Variants in RBBP4 observed in about 807,000 individuals in gnomAD.
The protein encoded by RBBP4 is RB binding protein 4, chromatin remodeling factor, also known as histone-binding protein RBBP4.
RBBP4 carries 3 observed loss-of-function variants against 57.2 expected under a neutral mutation model. The ratio of observed to expected loss-of-function variants is 0.05; its 90% CI spans 0.02 to 0.14. RBBP4 has a LOEUF of 0.14. RBBP4 is among the 10% of genes least tolerant of loss of function. The pLI is 1.00. For synonymous variants in RBBP4, 151 were observed against 171.5 expected (o/e 0.88, Z 0.93); for missense variants, 107 against 520.6 (o/e 0.21, Z 7.73).
At position 32,668,268 on chromosome 1, in the gene RBBP4, A is replaced by T; in HGVS notation, c.354A>T (p.Glu118Asp). The T allele has an allele frequency of 6.2e-7, 1 of 1,613,056 alleles. No individual in the cohort carries two copies. The highest frequency in any genetic ancestry group is 8.5e-7 in the Non-Finnish European group (1 of 1,179,354). The change falls in exon 4 of 12, where the codon GAA becomes GAT. Residue 118 changes from glutamate (E) to aspartate (D), a missense_variant. By Grantham distance (45) the Glu-to-Asp change is conservative (BLOSUM62 2). Transcript: ENST00000373493. The part of the protein sequence containing the change: ...FGSVSGKIEI[E>D]IKINHEGEVN... Reference sequence around the variant, plus strand: ...CAGTTAGTGGAAAAATTGAAATAGAAATCAAGATCAACCATGAAGGAGAAG... The same window carrying T: ...CAGTTAGTGGAAAAATTGAAATAGATATCAAGATCAACCATGAAGGAGAAG...
chr1:32,665,703 A>G (rs1648616383), intron 3 of RBBP4, among the ~76,000 whole-genome samples: 1 of 149,606 alleles, frequency 6.7e-6, no homozygotes, highest in African/African-American at 2.4e-5. Flanking sequence ...AAAGCACTAT[A>G]TAGCAATGCA....
chr1:32,669,418 A>C lies in RBBP4; in HGVS notation c.888+61A>C. ...CTCTAGGTTTTTTTGAATTGCAGAGATATTTTACTTACAGTATTTTTTTTT... is the reference window on the plus strand; with the variant it reads ...CTCTAGGTTTTTTTGAATTGCAGAGCTATTTTACTTACAGTATTTTTTTTT... On this transcript the variant is annotated intron_variant, in intron 7 of 11. Transcript: ENST00000373493. This position sits in a 1 kb window ranked among gnomAD's most constrained non-coding sequence, Gnocchi z 4.9. 2 of 1,569,982 alleles carry C rather than the reference A, an allele frequency of 1.3e-6. No individual in the cohort carries two copies. Among genetic ancestry groups the C allele is most frequent in the South Asian group, 2.4e-5 (2 of 83,468 alleles).
Position 32,672,471 on chromosome 1 carries a change from G to A in RBBP4, c.988G>A (p.Glu330Lys), listed in dbSNP as rs766075227. 1.9e-6 allele frequency: 3 copies of A among 1,609,334 alleles called. No homozygotes were observed. Among genetic ancestry groups the A allele is most frequent in the Non-Finnish European group, 2.5e-6 (3 of 1,176,592 alleles). The change falls in exon 9 of 12, where the codon GAG (glutamate) becomes AAG (lysine). Residue 330 changes from glutamate to lysine, a missense_variant. By Grantham distance (56) the Glu-to-Lys change is moderately conservative (BLOSUM62 1). Coordinates refer to ENST00000373493, the MANE Select transcript of RBBP4 (RefSeq NM_005610.3). ...IFQVQWSPHN[E>K]TILASSGTDR... The stretch of plus-strand genomic sequence containing the variant: ...GTAGGTTCAGTGGTCACCTCACAAT[G>A]AGACTATTTTAGCTTCCAGTGGTAC...
chr1:32,670,783 A>G (rs1648841431), intron 8 of RBBP4, among the ~76,000 whole-genome samples: 2 of 152,218 alleles, frequency 1.3e-5, no homozygotes, highest in Non-Finnish European at 2.9e-5. Flanking sequence ...AGAAATTACT[A>G]TAATAAAAGA....
At chr1:32,668,081 T>G in intron 3 of RBBP4, 144 bp from the exon 4 acceptor site, 1 of 698,978 alleles carries the variant, frequency 1.4e-6, no homozygotes, top group East Asian at 2.9e-5. Flanking sequence ...AAGCACTTTA[T>G]AGTGCTAGCA....
intron 11 of RBBP4, among the ~76,000 whole-genome samples, chr1:32,673,889 G>A (rs1208170406): frequency 6.6e-6 from 1 of 152,088 alleles, no homozygotes; most frequent in Non-Finnish European, 1.5e-5. Flanking sequence ...ACGAGGTCAG[G>A]AGATCGAGAC....
chr1:32,663,094 A>G (rs1464140223), intron 3 of RBBP4, among the ~76,000 whole-genome samples: 1 of 152,150 alleles, frequency 6.6e-6, no homozygotes, highest in Non-Finnish European at 1.5e-5. Context: ...TCTTAGTTGT[A>G]AGGTTCATGG....
chr1:32,659,172 C>T (rs1196106735), intron 3 of RBBP4, among the ~76,000 whole-genome samples: 1 of 148,946 alleles, frequency 6.7e-6, no homozygotes, highest in African/African-American at 2.4e-5. Flanking sequence ...TTTACACACA[C>T]ACAATATAAA....
Position 32,681,608 on chromosome 1 carries a change from T to G in RBBP4, c.*1903T>G. ...GCTCATCTTTCCTTTCCTTGGTGCATTGAGATCAGTATCAACAGCAGATGA... is the reference window on the plus strand; with the variant it reads ...GCTCATCTTTCCTTTCCTTGGTGCAGTGAGATCAGTATCAACAGCAGATGA... On this transcript the variant is annotated 3_prime_UTR_variant, in exon 12 of 12. Transcript: ENST00000373493. The G allele has an allele frequency of 1.7e-6, 1 of 604,016 alleles. No individual in the cohort carries two copies. Among genetic ancestry groups the G allele is most frequent in the Middle Eastern group, 3.2e-4 (1 of 3,104 alleles). The allele number at this position is 604,016 out of a possible 1,614,324, so 37.4% of individuals were successfully genotyped here.
rs191056736 is a variant in RBBP4, at chr1:32,651,291, G to C, written c.-16G>C. ...CAACGCTCGACCCCAGGATTCCCCC[G>C]GCTCGCCTGCCCGCCATGGCCGACA... On this transcript the variant is annotated 5_prime_UTR_variant, in exon 1 of 12. Transcript: ENST00000373493. 3.4e-6 allele frequency: 5 copies of C among 1,482,782 alleles called. No homozygotes were observed. The highest frequency in any genetic ancestry group is 4.5e-6 in the Non-Finnish European group (5 of 1,117,542). The allele number at this position is 1,482,782 out of a possible 1,614,324, so 91.9% of individuals were successfully genotyped here.
At chr1:32,661,187 A>ACAAGTGCACATACAAG (rs1648389810) in intron 3 of RBBP4, among the ~76,000 whole-genome samples, 2 of 152,190 alleles carry the variant, frequency 1.3e-5, no homozygotes, top group Non-Finnish European at 2.9e-5. Context: ...ATTGTGAATA[A>ACAAGTGCACATACAAG]TGCTACAGTG....
chr1:32,651,799 T>A, intron 1 of RBBP4, 115 bp from the exon 2 acceptor site: 1 of 1,255,764 alleles, frequency 8.0e-7, no homozygotes. Flanking sequence ...CGTGGGGATT[T>A]AGACAAATCA....
intron 11 of RBBP4, among the ~76,000 whole-genome samples, chr1:32,675,255 C>T (rs1411485726): frequency 2.6e-5 from 4 of 151,474 alleles, no homozygotes; most frequent in East Asian, 2.0e-4. Flanking sequence ...AGGCTGGCCT[C>T]GAACTCCTGA....
rs756654508 is a variant in RBBP4 at position 32,669,386 on chromosome 1, A to G, written c.888+29A>G. 1 of 1,580,454 alleles carries G rather than the reference A, an allele frequency of 6.3e-7. No individual in the cohort carries two copies. The highest frequency in any genetic ancestry group is 2.0e-5 in the Admixed American group (1 of 50,400). The stretch of plus-strand genomic sequence containing the variant: ...AGTTTCGTTTATTTTAATAGAAAAC[A>G]TAATTTCTCTAGGTTTTTTTGAATT... On this transcript the variant is annotated intron_variant, in intron 7 of 11. Coordinates refer to ENST00000373493, the MANE Select transcript of RBBP4 (RefSeq NM_005610.3). The surrounding 1 kb of genome is among the most constrained non-coding windows in gnomAD (Gnocchi z 4.9).
intron 8 of RBBP4, among the ~76,000 whole-genome samples, chr1:32,670,295 T>TACTTGCC (rs1648815708): frequency 6.6e-6 from 1 of 152,198 alleles, no homozygotes; most frequent in South Asian, 2.1e-4. Context: ...CATCCTTCAT[T>TACTTGCC]ACTTGCCACA....
At chr1:32,655,517 T>A (rs1334555799) in intron 2 of RBBP4, among the ~76,000 whole-genome samples, 1 of 152,212 alleles carries the variant, frequency 6.6e-6, no homozygotes, top group African/African-American at 2.4e-5. Flanking sequence ...TTCATTTCTT[T>A]TCAGTGTAAT....
chr1:32,672,373 T>C, intron 8 of RBBP4, 77 bp from the exon 9 acceptor site: 2 of 1,159,922 alleles, frequency 1.7e-6, no homozygotes, highest in Non-Finnish European at 1.2e-6. Context: ...AATTTTTAAA[T>C]TGTTAAATAT....
intron 3 of RBBP4, among the ~76,000 whole-genome samples, chr1:32,667,808 C>T (rs924086387): frequency 1.3e-5 from 2 of 152,162 alleles, no homozygotes; most frequent in Non-Finnish European, 2.9e-5. Flanking sequence ...TTACACATAA[C>T]CTATGCAGAT....
At chr1:32,671,612 TACGCAG>T (rs1347365123) in intron 8 of RBBP4, among the ~76,000 whole-genome samples, 2 of 151,824 alleles carry the variant, frequency 1.3e-5, no homozygotes, top group Non-Finnish European at 2.9e-5. Context: ...CACCTCCAGC[TACGCAG>T]GAGGTTGAGG....
Sources: allele counts gnomAD v4.1 joint callset (sites outside exome capture counted in the v4.1 genomes callset), GRCh38; gene constraint gnomAD v4.1.1; non-coding constraint Gnocchi (gnomAD v3.1); transcripts MANE v1.5; gene names NCBI Gene and HGNC (gene_info 2026-07-23, HGNC 2026-07-21).